The following NBEAL1 variants were observed in gnomAD, a reference collection of about 807,000 sequenced individuals.
The protein encoded by NBEAL1 is neurobeachin-like protein 1.
In NBEAL1, 273 loss-of-function variants were observed where a neutral mutation model predicts 351.3. The ratio of observed to expected loss-of-function variants is 0.78; its 90% CI spans 0.70 to 0.86. The LOEUF (loss-of-function observed/expected upper bound fraction) is 0.86. Among genes scored for constraint, NBEAL1 ranks in the 40% least tolerant of loss-of-function variants. NBEAL1 has a pLI of 0.00. For synonymous variants in NBEAL1, 1,050 were observed against 1,086.4 expected, an observed-to-expected ratio of 0.97 and a Z score of 0.66; for missense variants, 2,961 against 3,201.3, an observed-to-expected ratio of 0.92 and a Z score of 1.81.
chr2:203,069,290 A>C (rs1212175208), intron 7 of NBEAL1, among the ~76,000 whole-genome samples: 2 of 152,206 alleles, frequency 1.3e-5, no homozygotes, highest in Non-Finnish European at 2.9e-5. Flanking sequence ...TTGCTTGCTG[A>C]AGATGACTGC....
At chr2:203,172,068 T>TATAC in intron 40 of NBEAL1, 45 bp downstream of exon 40, 1 of 1,146,364 alleles carries the variant, frequency 8.7e-7, no homozygotes, top group Non-Finnish European at 1.2e-6. Flanking sequence ...GCCCTACAGT[T>TATAC]TTATAAATCA....
Position 203,144,598 on chromosome 2 carries a change from A to G in NBEAL1, c.4849-2A>G. The G allele has an allele frequency of 6.2e-7, 1 of 1,603,804 alleles. No homozygotes were observed. The highest frequency in any genetic ancestry group is 8.5e-7 in the Non-Finnish European group (1 of 1,174,388). ...TTTCTCATCTAAACTGTTTTCCTCC[A>G]GGTTTGTGCAATGGCATCAGCTAAG... On this transcript the variant is annotated splice_acceptor_variant, in intron 31 of 55. Coordinates refer to ENST00000683969, the MANE Select transcript of NBEAL1 (RefSeq NM_001378026.1). LOFTEE classifies it high-confidence loss of function.
intron 46 of NBEAL1, 104 bp from the exon 47 acceptor site, chr2:203,193,691 T>C (rs1242173518): frequency 7.6e-6 from 5 of 658,396 alleles, no homozygotes; most frequent in Non-Finnish European, 1.3e-5. Context: ...CAACAATGCA[T>C]GGTATGTAAT....
intron 36 of NBEAL1, among the ~76,000 whole-genome samples, chr2:203,162,064 C>T (rs2063981624): frequency 7.1e-6 from 1 of 140,572 alleles, no homozygotes. Context: ...TACTCTGTCA[C>T]CTAGGCTGGA....
intron 18 of NBEAL1, among the ~76,000 whole-genome samples, chr2:203,120,048 C>A (rs576209044): frequency 6.6e-6 from 1 of 152,074 alleles, no homozygotes. Context: ...AAATAAAAGT[C>A]TCTGTCTGTA....
rs185067409 is a variant in NBEAL1 at position 203,127,856 on chromosome 2, A to T, written c.3324A>T (p.Lys1108Asn). 1.5e-5 allele frequency: 23 copies of T among 1,548,596 alleles called. No individual in the cohort carries two copies. In the East Asian group the frequency reaches 5.5e-4, roughly 37 times the overall value. Residue 1108 changes from lysine (K) to asparagine (N), a missense_variant, in exon 24 of 56, where the codon AAA (lysine) becomes AAT (asparagine). Lys to Asn is a moderately conservative substitution (Grantham distance 94, BLOSUM62 0). Transcript: ENST00000683969. ...TIRTSLYGLI[K>N]YFLCKGGSHE... is the part of the protein sequence containing the mutation. ...GGACTTCTTTGTATGGACTAATTAAATATTTTCTGTGCAAAGGTGGATCTC... is the reference window on the plus strand; with the variant it reads ...GGACTTCTTTGTATGGACTAATTAATTATTTTCTGTGCAAAGGTGGATCTC...
At chr2:203,037,834 A>C (rs2061064146) in intron 2 of NBEAL1, among the ~76,000 whole-genome samples, 1 of 149,154 alleles carries the variant, frequency 6.7e-6, no homozygotes, top group South Asian at 2.1e-4. Flanking sequence ...TGATAGCTGT[A>C]ATCCCAGCTA....
In NBEAL1 at chr2:203,107,674, C is replaced by T; in HGVS notation, c.1435C>T (p.Leu479Phe). Residue 479 changes from leucine (L) to phenylalanine (F), a missense_variant, in exon 14 of 56, where the codon CTT becomes TTT. Coordinates refer to ENST00000683969, the MANE Select transcript of NBEAL1 (RefSeq NM_001378026.1). ...GISNVQPLLL[L>F]IQWLPELQSH... The stretch of plus-strand genomic sequence containing the variant: ...TAGTAATGTCCAACCTCTCTTGCTT[C>T]TTATCCAGTGGCTTCCAGAACTACA... The T allele has an allele frequency of 2.6e-6, 4 of 1,552,998 alleles. No homozygotes were observed. The highest frequency in any genetic ancestry group is 3.5e-6 in the Non-Finnish European group (4 of 1,147,288).
rs778775779 is a variant in NBEAL1, at chr2:203,145,055, T to C, written c.5199T>C (p.Asp1733=). The C allele has an allele frequency of 1.9e-6, 3 of 1,610,906 alleles. No individual in the cohort carries two copies. The highest frequency in any genetic ancestry group is 1.3e-5 in the African/African-American group (1 of 74,954). ...AGTATGAAGCTCATACATTTTACGA[T>C]GGTCATGAGAACATGGCACTTTATT... The part of the protein sequence containing the change: ...MKQYEAHTFY[D]GHENMALYWK... Residue 1733 remains aspartate, a synonymous_variant, in exon 33 of 56, where the codon GAT becomes GAC. Transcript: ENST00000683969.
At chr2:203,041,941 G>A in intron 3 of NBEAL1, 85 bp downstream of exon 3, 1 of 867,832 alleles carries the variant, frequency 1.2e-6, no homozygotes, top group Non-Finnish European at 1.9e-6. Context: ...TTACAAGGAT[G>A]GCAATTATGT....
rs979589583 is a variant in NBEAL1, at chr2:203,040,043, A to C, written c.52-1722A>C. The C allele has an allele frequency of 4.7e-6, 3 of 641,650 alleles. No individual in the cohort carries two copies. In the African/African-American group the frequency reaches 5.4e-5, roughly 12 times the overall value. 39.7% of individuals were successfully genotyped at this position (641,650 alleles called of 1,614,324 possible). A position where few individuals can be genotyped will look rare whatever the true frequency, so the allele number is the denominator to read the frequency against. ...AGGAGTAAAAATAGGCCTCATTGAGAATATGTCATTTAAAAAATGACTTGG... is the reference window on the plus strand; with the variant it reads ...AGGAGTAAAAATAGGCCTCATTGAGCATATGTCATTTAAAAAATGACTTGG... On this transcript the variant is annotated intron_variant, in intron 2 of 55. Transcript: ENST00000683969.
chr2:203,129,111 A>G lies in NBEAL1; in HGVS notation c.3405+1174A>G, dbSNP rs117125894. Among the ~76,000 whole-genome samples the G allele has an allele frequency of 2.8e-3, 429 of 152,274 alleles. 22 individuals carry two copies. The East Asian group carries it at 0.079, about 28-fold the overall frequency. ...TCAACTGCTGAACCAAGCCCTCCAGATTATTCTCGTGCACGTGGTAAAATT... is the reference window on the plus strand; with the variant it reads ...TCAACTGCTGAACCAAGCCCTCCAGGTTATTCTCGTGCACGTGGTAAAATT... On this transcript the variant is annotated intron_variant, in intron 24 of 55. Coordinates refer to ENST00000683969, the MANE Select transcript of NBEAL1 (RefSeq NM_001378026.1).
At chr2:203,172,242 C>G (rs916362803) in intron 40 of NBEAL1, among the ~76,000 whole-genome samples, 5 of 151,994 alleles carry the variant, frequency 3.3e-5, no homozygotes, top group Admixed American at 1.3e-4. Context: ...TCCAGTGGGG[C>G]AGGTGCGGTG....
At chr2:203,176,575 C>CA (rs1381045223) in intron 42 of NBEAL1, among the ~76,000 whole-genome samples, 3 of 151,350 alleles carry the variant, frequency 2.0e-5, no homozygotes, top group Admixed American at 6.6e-5. Context: ...ACTAAAAATA[C>CA]AAAAAAATTA....
intron 51 of NBEAL1, among the ~76,000 whole-genome samples, chr2:203,207,080 G>C (rs1445707159): frequency 6.0e-5 from 9 of 149,326 alleles, no homozygotes; most frequent in Admixed American, 5.3e-4. Context: ...CGCCCCGTCC[G>C]GGATGTGAGG....
intron 51 of NBEAL1, among the ~76,000 whole-genome samples, chr2:203,208,141 C>T (rs1178964008): frequency 6.6e-6 from 1 of 151,774 alleles, no homozygotes; most frequent in African/African-American, 2.4e-5. Context: ...AAAAATTAGC[C>T]AGGCATGGTG....
Position 203,110,253 on chromosome 2 carries a change from C to G in NBEAL1, c.2053C>G (p.Pro685Ala). The part of the protein sequence containing the change: ...TKREYATVML[P>A]DHSFCDSLWH... ...AAGAGAATATGCAACGGTTATGCTT[C>G]CTGACCACAGTTTCTGTGATTCCCT... is the stretch of plus-strand genomic sequence containing the variant. Residue 685 changes from proline (P) to alanine (A), a missense_variant, in exon 15 of 56, where the codon CCT (proline) becomes GCT (alanine). Pro to Ala is a conservative substitution (Grantham distance 27). Transcript: ENST00000683969. 1 of 1,552,546 alleles carries G rather than the reference C, an allele frequency of 6.4e-7. No individual in the cohort carries two copies. The highest frequency in any genetic ancestry group is 8.7e-7 in the Non-Finnish European group (1 of 1,147,118).
rs115344174 is a variant in NBEAL1 at position 203,134,517 on chromosome 2, A to G, written c.3814-1160A>G. On this transcript the variant is annotated intron_variant, in intron 27 of 55. Transcript: ENST00000683969. ...ACTAGTAATATTGAAGTCCTTACCA[A>G]CATTGTTCATCTCTTGCTCTGAAAA... Among the ~76,000 whole-genome samples, 948 of 152,258 alleles carry G rather than the reference A, an allele frequency of 6.2e-3. 8 individuals carry two copies. The highest frequency in any genetic ancestry group is 0.021 in the African/African-American group (884 of 41,548).
At position 203,113,003 on chromosome 2, in the gene NBEAL1, G is replaced by C; in HGVS notation, c.2203-12G>C. The C allele has an allele frequency of 2.1e-6, 3 of 1,425,388 alleles. No homozygotes were observed. The highest frequency in any genetic ancestry group is 1.4e-5 in the African/African-American group (1 of 69,102). The allele number at this position is 1,425,388 out of a possible 1,614,324, so 88.3% of individuals were successfully genotyped here. ...TTAATTAAAATTGTGTAATTTGTTT[G>C]TTTGTTTTTAGCCCTTTACTTCCTG... On this transcript the variant is annotated splice_polypyrimidine_tract_variant and intron_variant, in intron 16 of 55. Coordinates refer to ENST00000683969, the MANE Select transcript of NBEAL1 (RefSeq NM_001378026.1).
Sources: gnomAD v4.1 joint callset for allele counts (sites outside exome capture counted in the v4.1 genomes callset) on GRCh38, gnomAD v4.1.1 for gene constraint, MANE v1.5 for transcripts, NCBI Gene and HGNC (gene_info 2026-07-23, HGNC 2026-07-21) for gene names.